Variants in PXDNL observed in about 807,000 individuals in gnomAD.
PXDNL encodes peroxidasin like.
In PXDNL, 145 loss-of-function variants were observed where a neutral mutation model predicts 150.8. The ratio of observed to expected loss-of-function variants is 0.96; its 90% confidence interval spans 0.84 to 1.10. The LOEUF (loss-of-function observed/expected upper bound fraction) is 1.10, where lower values mean the gene tolerates loss of function less well. Among genes scored for constraint, PXDNL ranks in the 50% least tolerant of loss-of-function variants. PXDNL has a pLI of 0.00. For missense variants in PXDNL, 2,087 were observed against 1,873.9 expected (o/e 1.11, Z -2.10); for synonymous variants, 757 against 725.7 (o/e 1.04, Z -0.69).
At chr8:51,544,017 A>G (rs57050108) in intron 4 of PXDNL, among the ~76,000 whole-genome samples, 2,834 of 152,260 alleles carry the variant, frequency 0.019, 37 homozygotes, top group African/African-American at 0.034. Flanking sequence ...AGAACATACC[A>G]ATTACTCTTG....
intron 3 of PXDNL, among the ~76,000 whole-genome samples, chr8:51,579,570 C>A (rs1813159943): frequency 6.6e-6 from 1 of 151,814 alleles, no homozygotes; most frequent in Non-Finnish European, 1.5e-5. Flanking sequence ...ACCATGTAAC[C>A]CAGCAATCAC....
intron 3 of PXDNL, among the ~76,000 whole-genome samples, chr8:51,578,058 G>A (rs373840099): frequency 8.5e-6 from 1 of 117,932 alleles, no homozygotes; most frequent in African/African-American, 3.6e-5. Flanking sequence ...AGGAAAGAAA[G>A]AAAGGAAAGA....
chr8:51,632,626 A>G (rs1814515275), intron 2 of PXDNL, among the ~76,000 whole-genome samples: 2 of 152,198 alleles, frequency 1.3e-5, no homozygotes, highest in Admixed American at 1.3e-4. Flanking sequence ...GTATTTAAAA[A>G]ATAAAAATAT....
chr8:51,597,004 C>T (rs1388566006), intron 2 of PXDNL, among the ~76,000 whole-genome samples: 3 of 152,076 alleles, frequency 2.0e-5, no homozygotes, highest in Non-Finnish European at 4.4e-5. Context: ...GATGGTATTT[C>T]GTAGGTTTTC....
At position 51,339,622 on chromosome 8, in the gene PXDNL, AC is replaced by A; in HGVS notation, c.4146+1del. The A allele has an allele frequency of 1.9e-6, 3 of 1,612,078 alleles. No individual in the cohort carries two copies. Among genetic ancestry groups the A allele is most frequent in the Non-Finnish European group, 2.5e-6 (3 of 1,179,402 alleles). On this transcript the variant is annotated splice_donor_variant, in intron 21 of 22. Coordinates refer to ENST00000356297, the MANE Select transcript of PXDNL (RefSeq NM_144651.5). LOFTEE classifies it high-confidence loss of function. ...GACATGTTATTTGAAGAGAAAACAA[AC>A]CTGCTCTCTGAGTGCTGTGATGGTT...
intron 3 of PXDNL, among the ~76,000 whole-genome samples, chr8:51,578,497 C>T (rs1194295199): frequency 6.6e-6 from 1 of 151,818 alleles, no homozygotes; most frequent in Non-Finnish European, 1.5e-5. Flanking sequence ...TAAATGGAGA[C>T]TTACCTTGTT....
At position 51,775,180 on chromosome 8, in the gene PXDNL, A is replaced by G. The variant is rs556530277; in HGVS notation, c.164+34001T>C. Among the ~76,000 whole-genome samples the G allele has an allele frequency of 3.9e-5, 6 of 152,340 alleles. No individual in the cohort carries two copies. The East Asian group carries it at 1.2e-3, about 29-fold the overall frequency. On this transcript the variant is annotated intron_variant, in intron 1 of 22. Transcript: ENST00000356297. Reference sequence around the variant, plus strand: ...ATCCACCCACAAAGGCCATTATTACAAATTTATAGGCTGATCTGATTACTA... The same window carrying G: ...ATCCACCCACAAAGGCCATTATTACGAATTTATAGGCTGATCTGATTACTA...
chr8:51,602,394 T>A (rs1342358433), intron 2 of PXDNL, among the ~76,000 whole-genome samples: 1 of 152,060 alleles, frequency 6.6e-6, no homozygotes, highest in Non-Finnish European at 1.5e-5. Flanking sequence ...TTCCTTTTTT[T>A]TAAATCAGAT....
chr8:51,734,557 T>C (rs34910552), intron 1 of PXDNL, among the ~76,000 whole-genome samples: 21,733 of 152,144 alleles, frequency 0.14, 1,964 homozygotes, highest in Non-Finnish European at 0.2. Context: ...AACATCTTAA[T>C]ACAAGAGAGA....
chr8:51,645,787 G>A (rs762419749), intron 2 of PXDNL, among the ~76,000 whole-genome samples: 1 of 152,096 alleles, frequency 6.6e-6, no homozygotes, highest in Non-Finnish European at 1.5e-5. Context: ...TACTGAGCTC[G>A]GGATGCTGAC....
chr8:51,584,280 AC>A (rs1717424200), intron 3 of PXDNL, among the ~76,000 whole-genome samples: 1 of 152,116 alleles, frequency 6.6e-6, no homozygotes, highest in African/African-American at 2.4e-5. Context: ...AAGTGGGTAA[AC>A]CTGCTGAGTG....
intron 1 of PXDNL, among the ~76,000 whole-genome samples, chr8:51,795,295 A>T (rs1278744671): frequency 1.3e-5 from 2 of 152,224 alleles, no homozygotes; most frequent in Non-Finnish European, 2.9e-5. Flanking sequence ...TCAAGTGGAC[A>T]TGATAGATAT....
chr8:51,612,563 G>T (rs980273336), intron 2 of PXDNL, among the ~76,000 whole-genome samples: 1 of 152,114 alleles, frequency 6.6e-6, no homozygotes, highest in South Asian at 2.1e-4. Context: ...TAACTCCTAA[G>T]GTGATGGTAT....
chr8:51,335,682 T>TACACACACACACACACACAC (rs3040925), intron 21 of PXDNL, among the ~76,000 whole-genome samples: 18 of 137,578 alleles, frequency 1.3e-4, no homozygotes, highest in African/African-American at 4.3e-4. Context: ...TTATATACCC[T>TACACACACACACACACACAC]ACACACACAC....
chr8:51,413,459 C>A (rs976278950), intron 14 of PXDNL, among the ~76,000 whole-genome samples: 3 of 152,048 alleles, frequency 2.0e-5, no homozygotes, highest in Non-Finnish European at 2.9e-5. Context: ...CTTCATCTAA[C>A]AATAATAATG....
At chr8:51,708,853 CG>C (rs11284652) in intron 1 of PXDNL, among the ~76,000 whole-genome samples, 101,026 of 151,860 alleles carry the variant, frequency 0.67, 34,821 homozygotes, top group East Asian at 0.81. Flanking sequence ...CACTGAAATT[CG>C]GAGAGAAGTC....
chr8:51,415,341 G>A (rs116983456), intron 14 of PXDNL, among the ~76,000 whole-genome samples: 4,810 of 152,212 alleles, frequency 0.032, 107 homozygotes, highest in Non-Finnish European at 0.046. Context: ...ACAGTTCCTC[G>A]GGCTGTACAG....
At chr8:51,377,798 C>T (rs1387474286) in intron 17 of PXDNL, among the ~76,000 whole-genome samples, 1 of 152,202 alleles carries the variant, frequency 6.6e-6, no homozygotes, top group East Asian at 1.9e-4. Context: ...CTGAGCCTCC[C>T]CCACACCGCG....
intron 21 of PXDNL, among the ~76,000 whole-genome samples, chr8:51,329,695 A>C: frequency 6.6e-6 from 1 of 152,258 alleles, no homozygotes; most frequent in Middle Eastern, 3.2e-3. Flanking sequence ...AAAATGCAAA[A>C]GAAGAATTAA....
Sources: allele counts gnomAD v4.1 joint callset (sites outside exome capture counted in the v4.1 genomes callset), GRCh38; gene constraint gnomAD v4.1.1; transcripts MANE v1.5; gene names NCBI Gene and HGNC (gene_info 2026-07-23, HGNC 2026-07-21).